The following LINGO2 variants were observed in gnomAD, a reference collection of about 807,000 sequenced individuals.
The protein encoded by LINGO2 is leucine-rich repeat and immunoglobulin-like domain-containing nogo receptor-interacting protein 2.
Under a neutral mutation model 30.6 loss-of-function variants are expected in LINGO2, and 14 were observed. The ratio of observed to expected loss-of-function variants is 0.46; its 90% CI spans 0.30 to 0.72. The LOEUF (loss-of-function observed/expected upper bound fraction) is 0.72, where lower values mean the gene tolerates loss of function less well. LINGO2 is among the 30% of genes least tolerant of loss of function. The probability of loss-of-function intolerance (pLI) is 0.07; values close to 1 mark genes in which losing one functional copy is unlikely to be tolerated. For missense variants in LINGO2, 729 were observed against 751.7 expected, an observed-to-expected ratio of 0.97 and a Z score of 0.35; for synonymous variants, 317 against 288.5, an observed-to-expected ratio of 1.10 and a Z score of -1.00.
the LINGO2 span, among the ~76,000 whole-genome samples, chr9:29,118,776 G>A: frequency 0.16 from 24,748 of 152,092 alleles, 2,177 homozygotes; most frequent in East Asian, 0.37. Context: ...CACTGATACA[G>A]GTCCCAACTG....
At chr9:27,962,121 G>C (rs1019068540) in intron 5 of LINGO2, among the ~76,000 whole-genome samples, 4 of 152,096 alleles carry the variant, frequency 2.6e-5, no homozygotes, top group South Asian at 2.1e-4. Flanking sequence ...ATTATAATCA[G>C]ATGACTATGT....
At chr9:28,017,924 C>G (rs777902671) in intron 4 of LINGO2, among the ~76,000 whole-genome samples, 10 of 152,098 alleles carry the variant, frequency 6.6e-5, no homozygotes, top group Admixed American at 2.0e-4. Context: ...AAGAAGAAAG[C>G]TGGAGGCATC....
chr9:28,038,813 T>C (rs1346706769), intron 4 of LINGO2, among the ~76,000 whole-genome samples: 2 of 152,176 alleles, frequency 1.3e-5, no homozygotes, highest in Admixed American at 6.5e-5. Context: ...CCTCTTTGCA[T>C]GTATTTTTCA....
At chr9:28,672,658 T>C (rs981254524), upstream of LINGO2, among the ~76,000 whole-genome samples, 7 of 152,160 alleles carry the variant, frequency 4.6e-5, no homozygotes, top group Non-Finnish European at 8.8e-5. Flanking sequence ...AAGTGTTTAT[T>C]GAGTGTTTTA....
chr9:28,620,465 A>G (rs1368061312), intron 1 of LINGO2, among the ~76,000 whole-genome samples: 1 of 152,134 alleles, frequency 6.6e-6, no homozygotes, highest in African/African-American at 2.4e-5. Context: ...GATCTAATAC[A>G]TAAGACACAG....
intron 4 of LINGO2, among the ~76,000 whole-genome samples, chr9:28,199,504 A>G (rs1317715633): frequency 6.6e-6 from 1 of 151,822 alleles, no homozygotes; most frequent in African/African-American, 2.4e-5. Context: ...ACGCTCGGCT[A>G]ATTTTTTGTA....
chr9:28,174,912 G>GTGTT, intron 4 of LINGO2, among the ~76,000 whole-genome samples: 1 of 140,088 alleles, frequency 7.1e-6, no homozygotes, highest in South Asian at 2.3e-4. Flanking sequence ...GTGTGTGTGT[G>GTGTT]TGTGTGTGTG....
chr9:28,281,042 T>A (rs887778759), intron 4 of LINGO2, among the ~76,000 whole-genome samples: 1 of 152,152 alleles, frequency 6.6e-6, no homozygotes, highest in Admixed American at 6.5e-5. Context: ...CTTTCAAATA[T>A]AAGAACATCT....
At chr9:28,624,426 CA>C (rs144752675) in intron 1 of LINGO2, among the ~76,000 whole-genome samples, 14,509 of 151,930 alleles carry the variant, frequency 0.095, 880 homozygotes, top group East Asian at 0.19. Context: ...ATTAATTGAT[CA>C]TATGCTTTTT....
the LINGO2 span, among the ~76,000 whole-genome samples, chr9:28,907,721 C>T: frequency 1.3e-5 from 2 of 151,664 alleles, no homozygotes; most frequent in African/African-American, 4.8e-5. Context: ...TGACAAACTA[C>T]TTATGAATGT....
At chr9:28,608,647 A>G (rs569873680) in intron 1 of LINGO2, among the ~76,000 whole-genome samples, 5 of 152,050 alleles carry the variant, frequency 3.3e-5, no homozygotes, top group African/African-American at 9.6e-5. Context: ...AAGATCTAGT[A>G]TTATTGTAGG....
At chr9:29,199,127 A>C in the LINGO2 span, among the ~76,000 whole-genome samples, 1 of 152,124 alleles carries the variant, frequency 6.6e-6, no homozygotes, top group African/African-American at 2.4e-5. Flanking sequence ...TGTCATGATG[A>C]AACAATAGGC....
At chr9:28,127,068 G>A (rs897401198) in intron 4 of LINGO2, among the ~76,000 whole-genome samples, 2 of 152,140 alleles carry the variant, frequency 1.3e-5, no homozygotes, top group Admixed American at 1.3e-4. Flanking sequence ...AGTCCCTTAG[G>A]TATTAGGTAG....
At chr9:27,972,628 C>T (rs1343168815) in intron 5 of LINGO2, among the ~76,000 whole-genome samples, 4 of 152,186 alleles carry the variant, frequency 2.6e-5, no homozygotes, top group Admixed American at 2.6e-4. Context: ...AATTTACAGA[C>T]TAAAGGGCTT....
chr9:28,285,606 CGTGTTA>C (rs1419487317), intron 4 of LINGO2, among the ~76,000 whole-genome samples: 1 of 151,722 alleles, frequency 6.6e-6, no homozygotes, highest in Non-Finnish European at 1.5e-5. Context: ...GGGGTTTCAC[CGTGTTA>C]GCCAGGATGG....
intron 2 of LINGO2, among the ~76,000 whole-genome samples, chr9:28,410,190 A>G (rs79002335): frequency 6.6e-6 from 1 of 151,988 alleles, no homozygotes; most frequent in African/African-American, 2.4e-5. Flanking sequence ...GGAAAGGGAA[A>G]GGAAAGGAAG....
the LINGO2 span, among the ~76,000 whole-genome samples, chr9:28,765,391 G>C: frequency 2.0e-5 from 3 of 152,014 alleles, no homozygotes; most frequent in Non-Finnish European, 4.4e-5. Flanking sequence ...GGTATGTTTT[G>C]GATATGGTTG....
At chr9:29,103,334 A>G in the LINGO2 span, among the ~76,000 whole-genome samples, 1 of 144,290 alleles carries the variant, frequency 6.9e-6, no homozygotes, top group African/African-American at 2.4e-5. Flanking sequence ...ACATCAATGG[A>G]CTTTAAGACT....
the LINGO2 span, among the ~76,000 whole-genome samples, chr9:28,810,577 T>C: frequency 1.3e-5 from 2 of 152,076 alleles, no homozygotes; most frequent in Non-Finnish European, 2.9e-5. Flanking sequence ...ATGTTTATCC[T>C]GGGCATAAAA....
Sources: allele counts gnomAD v4.1 joint callset (sites outside exome capture counted in the v4.1 genomes callset), GRCh38; gene constraint gnomAD v4.1.1; transcripts MANE v1.5; gene names NCBI Gene and HGNC (gene_info 2026-07-23, HGNC 2026-07-21).